The following DENND4A variants were observed in gnomAD, a reference collection of about 807,000 sequenced individuals.
The protein encoded by DENND4A is DENN domain containing 4A, also known as C-myc promoter-binding protein.
DENND4A carries 70 observed loss-of-function variants against 199.3 expected under a neutral mutation model. The observed-to-expected ratio is 0.35, with a 90% CI of 0.29 to 0.43. The LOEUF is 0.43. Among genes scored for constraint, DENND4A ranks in the 20% least tolerant of loss-of-function variants. The pLI is 1.00. For missense variants in DENND4A, 1,723 were observed against 2,255.8 expected, an observed-to-expected ratio of 0.76 and a Z score of 4.78; for synonymous variants, 686 against 766.9, an observed-to-expected ratio of 0.89 and a Z score of 1.74.
intron 3 of DENND4A, 58 bp from the exon 4 acceptor site, chr15:65,752,686 T>C (rs892274191): frequency 8.8e-7 from 1 of 1,140,270 alleles, no homozygotes; most frequent in Non-Finnish European, 1.2e-6. Flanking sequence ...AAAAGTAATA[T>C]TCTCAGGCAT....
chr15:65,685,884 T>G (rs2076760704), intron 23 of DENND4A, among the ~76,000 whole-genome samples: 1 of 152,064 alleles, frequency 6.6e-6, no homozygotes, highest in Non-Finnish European at 1.5e-5. Flanking sequence ...TTCTCTCATC[T>G]ATTCATCTCT....
intron 11 of DENND4A, 147 bp downstream of exon 11, chr15:65,728,925 T>C (rs2075886001): frequency 1.3e-6 from 1 of 789,988 alleles, no homozygotes; most frequent in Non-Finnish European, 2.2e-6. Context: ...CATAATAAGG[T>C]CTGATTCAAA....
At chr15:65,791,399 G>T (rs528231173) in intron 1 of DENND4A, among the ~76,000 whole-genome samples, 2 of 151,806 alleles carry the variant, frequency 1.3e-5, no homozygotes, top group African/African-American at 4.8e-5. Flanking sequence ...CCCACCTCCA[G>T]AAAACAATAA....
chr15:65,738,083 C>A lies in DENND4A; in HGVS notation c.802-138G>T, dbSNP rs2076162681. The A allele has an allele frequency of 1.3e-5, 10 of 757,144 alleles. 1 individual carries two copies. Among genetic ancestry groups the A allele is most frequent in the African/African-American group, 5.3e-5 (3 of 56,570 alleles). 46.9% of individuals were successfully genotyped at this position (757,144 alleles called of 1,614,324 possible). Reference sequence around the variant, plus strand: ...TTAAGAACACAGTGATGAAGAGACACCCCTCCTGCTTTCTTGATGTATCTA... The same window carrying A: ...TTAAGAACACAGTGATGAAGAGACAACCCTCCTGCTTTCTTGATGTATCTA... On this transcript the variant is annotated intron_variant, in intron 6 of 32. Coordinates refer to ENST00000443035, the MANE Select transcript of DENND4A (RefSeq NM_001320835.1).
intron 22 of DENND4A, among the ~76,000 whole-genome samples, chr15:65,691,950 G>C (rs1249232411): frequency 6.7e-6 from 1 of 148,956 alleles, no homozygotes; most frequent in African/African-American, 2.5e-5. Context: ...TTGAGATTCT[G>C]AGTCTTCCTT....
At chr15:65,729,767 G>A in intron 9 of DENND4A, 89 bp from the exon 10 acceptor site, 6 of 1,182,390 alleles carry the variant, frequency 5.1e-6, no homozygotes, top group Non-Finnish European at 7.0e-6. Context: ...GTTGATTAGA[G>A]TAGGATTTGT....
chr15:65,706,447 AACACACACACACACACACACAC>A lies in DENND4A; in HGVS notation c.1954-245_1954-224del, dbSNP rs77421887. Among the ~76,000 whole-genome samples, 324 of 130,322 alleles carry A rather than the reference AACACACACACACACACACACAC, an allele frequency of 2.5e-3. 1 individual carries two copies. Among genetic ancestry groups the A allele is most frequent in the Non-Finnish European group, 4.3e-3 (267 of 62,546 alleles). The allele number at this position is 130,322 out of a possible 152,430, so 85.5% of individuals were successfully genotyped here. On this transcript the variant is annotated intron_variant, in intron 14 of 32. Coordinates refer to ENST00000443035, the MANE Select transcript of DENND4A (RefSeq NM_001320835.1). ...CTTTTGAATAAGAAAAGGGGAAAAT[AACACACACACACACACACACAC>A]ACACACACACACACACACACACACA...
chr15:65,752,032 G>A (rs529310588), intron 4 of DENND4A, among the ~76,000 whole-genome samples: 1 of 135,244 alleles, frequency 7.4e-6, no homozygotes, highest in Admixed American at 8.7e-5. Flanking sequence ...CTAAAGCCAT[G>A]TCTTCAAATG....
chr15:65,790,172 G>T (rs1332116890), intron 1 of DENND4A, among the ~76,000 whole-genome samples: 2 of 152,060 alleles, frequency 1.3e-5, no homozygotes, highest in Non-Finnish European at 2.9e-5. Context: ...TACTATTCAA[G>T]TTACCAGAAA....
At chr15:65,790,228 C>A (rs1236171857) in intron 1 of DENND4A, among the ~76,000 whole-genome samples, 1 of 152,054 alleles carries the variant, frequency 6.6e-6, no homozygotes, top group Non-Finnish European at 1.5e-5. Flanking sequence ...CTCTTTAAAC[C>A]AGTGGTAATT....
At position 65,738,853 on chromosome 15, in the gene DENND4A, T is replaced by C; in HGVS notation, c.654A>G (p.Gln218=). The C allele has an allele frequency of 6.3e-7, 1 of 1,598,840 alleles. No individual in the cohort carries two copies. The highest frequency in any genetic ancestry group is 8.5e-7 in the Non-Finnish European group (1 of 1,173,842). ...GTAGTGAGAATGACTCATAATCTTC[T>C]TGAGGATATCTACAAATTAGGCCTA... The part of the protein sequence containing the change: ...YKAGLICRYP[Q]EDYESFSLPE... Residue 218 remains glutamine, a synonymous_variant, in exon 6 of 33, where the codon CAA becomes CAG. Transcript: ENST00000443035.
intron 29 of DENND4A, 141 bp downstream of exon 29, chr15:65,667,308 G>T: frequency 9.5e-7 from 1 of 1,048,796 alleles, no homozygotes; most frequent in Non-Finnish European, 1.3e-6. Flanking sequence ...CCAGCCTGGC[G>T]AAAGAGTGAG....
At chr15:65,754,384 T>C (rs2076647151) in intron 3 of DENND4A, among the ~76,000 whole-genome samples, 1 of 152,174 alleles carries the variant, frequency 6.6e-6, no homozygotes, top group African/African-American at 2.4e-5. Flanking sequence ...CCACCACCTG[T>C]TACTAGCTGC....
At chr15:65,692,356 G>C (rs2142084698) in intron 22 of DENND4A, among the ~76,000 whole-genome samples, 1 of 152,198 alleles carries the variant, frequency 6.6e-6, no homozygotes, top group South Asian at 2.1e-4. Flanking sequence ...AAATTACTTA[G>C]ATGACAATAC....
intron 32 of DENND4A, among the ~76,000 whole-genome samples, chr15:65,663,218 T>A (rs182184474): frequency 0.029 from 4,215 of 145,564 alleles, 71 homozygotes; most frequent in Non-Finnish European, 0.045. Flanking sequence ...TTTTATTTTT[T>A]TTTTTGGTTA....
intron 4 of DENND4A, 27 bp from the exon 5 acceptor site, chr15:65,741,811 T>C: frequency 6.4e-7 from 1 of 1,568,534 alleles, no homozygotes; most frequent in Non-Finnish European, 8.7e-7. Flanking sequence ...AGAAATATCA[T>C]TTAATTTTTA....
chr15:65,724,315 C>T (rs1421240476), intron 11 of DENND4A, among the ~76,000 whole-genome samples: 1 of 151,848 alleles, frequency 6.6e-6, no homozygotes, highest in Non-Finnish European at 1.5e-5. Flanking sequence ...TGGCCTCTGC[C>T]TCTCAAAGTG....
chr15:65,667,652 G>A lies in DENND4A; in HGVS notation c.5038C>T (p.Pro1680Ser). 1.2e-6 allele frequency: 2 copies of A among 1,613,936 alleles called. No homozygotes were observed. Among genetic ancestry groups the A allele is most frequent in the Non-Finnish European group, 1.7e-6 (2 of 1,179,866 alleles). The change falls in exon 29 of 33, where the codon CCG (proline) becomes TCG (serine). Residue 1680 changes from proline (P) to serine (S), a missense_variant. By Grantham distance (74) the Pro-to-Ser change is moderately conservative. Transcript: ENST00000443035. ...CATACCACTAAAGGACTAAGATACG[G>A]AACAGTGACAGGATCGGGACTTGGA... Reference protein sequence around the residue: ...HLPSPDPVTVPYLSPLVVWKE... With the variant: ...HLPSPDPVTVSYLSPLVVWKE...
chr15:65,743,254 C>T (rs998829333), intron 4 of DENND4A, among the ~76,000 whole-genome samples: 3 of 152,166 alleles, frequency 2.0e-5, no homozygotes, highest in Non-Finnish European at 4.4e-5. Context: ...CACCTAAAGG[C>T]CCTAATCATC....
Sources: gnomAD v4.1 joint callset for allele counts (sites outside exome capture counted in the v4.1 genomes callset) on GRCh38, gnomAD v4.1.1 for gene constraint, MANE v1.5 for transcripts, NCBI Gene and HGNC (gene_info 2026-07-23, HGNC 2026-07-21) for gene names.